Variants in GPC5 observed in about 807,000 individuals in gnomAD.
GPC5 encodes glypican 5.
A neutral mutation model predicts 53.9 loss-of-function variants in GPC5; 47 were observed. That is an observed-to-expected ratio of 0.87 (90% confidence interval 0.69 to 1.11). The LOEUF (loss-of-function observed/expected upper bound fraction) is 1.11. Ranked by LOEUF, GPC5 falls within the 50% of genes most tolerant of loss-of-function variation. GPC5 has a pLI of 0.00. For missense variants in GPC5, 748 were observed against 713.1 expected (o/e 1.05, Z -0.56); for synonymous variants, 286 against 263.3 (o/e 1.09, Z -0.84).
intron 4 of GPC5, 76 bp from the exon 5 acceptor site, chr13:91,756,219 T>C: frequency 9.1e-7 from 1 of 1,102,828 alleles, no homozygotes; most frequent in East Asian, 2.5e-5. Context: ...ACATTATGTA[T>C]AACAATACAT....
intron 7 of GPC5, among the ~76,000 whole-genome samples, chr13:92,830,026 A>C (rs1480032023): frequency 6.6e-6 from 1 of 152,096 alleles, no homozygotes; most frequent in African/African-American, 2.4e-5. Context: ...CATTAAGGTT[A>C]ATGTCAAAAA....
At chr13:91,970,458 T>G (rs577782143) in intron 6 of GPC5, among the ~76,000 whole-genome samples, 1 of 151,216 alleles carries the variant, frequency 6.6e-6, no homozygotes, top group Non-Finnish European at 1.5e-5. Flanking sequence ...CACACATACA[T>G]ACACACAAGC....
rs76163706 is a variant in GPC5, at chr13:91,789,834, T to A, written c.1280+33414T>A. On this transcript the variant is annotated intron_variant, in intron 5 of 7. Coordinates refer to ENST00000377067, the MANE Select transcript of GPC5 (RefSeq NM_004466.6). ...ATAGGCTGGGAAGTTTAAGCTTGGATAGCTGCATCTGGTAGCTTCTGGTAA... is the reference window on the plus strand; with the variant it reads ...ATAGGCTGGGAAGTTTAAGCTTGGAAAGCTGCATCTGGTAGCTTCTGGTAA... 6.7e-3 allele frequency among the ~76,000 whole-genome samples: 1,015 copies of A among 152,288 alleles called. 9 individuals carry two copies. Among genetic ancestry groups the A allele is most frequent in the African/African-American group, 0.023 (962 of 41,564 alleles).
intron 7 of GPC5, among the ~76,000 whole-genome samples, chr13:92,291,958 A>G (rs797004719): frequency 4.7e-4 from 72 of 152,284 alleles, no homozygotes; most frequent in African/African-American, 1.7e-3. Flanking sequence ...CAAACTCCGG[A>G]CACGCTGCCT....
intron 3 of GPC5, among the ~76,000 whole-genome samples, chr13:91,713,700 A>G (rs967153174): frequency 1.3e-5 from 2 of 152,130 alleles, no homozygotes; most frequent in African/African-American, 4.8e-5. Flanking sequence ...GAAATCCAGA[A>G]CTGAACTCAT....
chr13:91,947,718 T>C (rs1270817636), intron 6 of GPC5, among the ~76,000 whole-genome samples: 2 of 152,170 alleles, frequency 1.3e-5, no homozygotes, highest in Non-Finnish European at 2.9e-5. Flanking sequence ...TTTAGTAGAT[T>C]TCTGTCACTA....
At chr13:92,143,426 C>T (rs1594780477) in intron 6 of GPC5, among the ~76,000 whole-genome samples, 1 of 151,954 alleles carries the variant, frequency 6.6e-6, no homozygotes, top group East Asian at 1.9e-4. Flanking sequence ...TTCTTCATTG[C>T]TGTACTATCC....
In GPC5 at chr13:92,578,400, A is replaced by C. The variant is rs139015654; in HGVS notation, c.1562-287882A>C. Among the ~76,000 whole-genome samples the C allele has an allele frequency of 1.5e-4, 23 of 152,308 alleles. No individual in the cohort carries two copies. The East Asian group carries it at 4.4e-3, about 29-fold the overall frequency. ...AAATGTGATACAGATAGATTAGATA[A>C]ATTGGTATAAAGAAGGGAAAGAGAG... On this transcript the variant is annotated intron_variant, in intron 7 of 7. Coordinates refer to ENST00000377067, the MANE Select transcript of GPC5 (RefSeq NM_004466.6).
intron 2 of GPC5, among the ~76,000 whole-genome samples, chr13:91,452,347 T>A (rs1230013966): frequency 6.6e-6 from 1 of 152,130 alleles, no homozygotes; most frequent in Non-Finnish European, 1.5e-5. Context: ...CTAAGGGCAA[T>A]CATCCATGAA....
At chr13:92,603,956 C>T (rs2139085169) in intron 7 of GPC5, among the ~76,000 whole-genome samples, 1 of 152,264 alleles carries the variant, frequency 6.6e-6, no homozygotes, top group Non-Finnish European at 1.5e-5. Flanking sequence ...ACTGAGGAAA[C>T]ATAATCGCAT....
intron 7 of GPC5, among the ~76,000 whole-genome samples, chr13:92,726,463 G>C (rs905726656): frequency 6.6e-6 from 1 of 151,552 alleles, no homozygotes; most frequent in Non-Finnish European, 1.5e-5. Context: ...TGAAAACATA[G>C]TTCATTGAAA....
chr13:91,800,888 T>C (rs1354561095), intron 5 of GPC5, among the ~76,000 whole-genome samples: 1 of 152,162 alleles, frequency 6.6e-6, no homozygotes, highest in African/African-American at 2.4e-5. Flanking sequence ...AGTGTCTTTA[T>C]AAGATAAATG....
At chr13:92,205,624 C>T (rs971435512) in intron 7 of GPC5, among the ~76,000 whole-genome samples, 1 of 152,190 alleles carries the variant, frequency 6.6e-6, no homozygotes, top group African/African-American at 2.4e-5. Flanking sequence ...GCCTTTCTTA[C>T]AGCAAAACAT....
chr13:91,894,036 G>T (rs2039415723), intron 5 of GPC5, among the ~76,000 whole-genome samples: 1 of 151,598 alleles, frequency 6.6e-6, no homozygotes, highest in Non-Finnish European at 1.5e-5. Context: ...CTGAGATCAA[G>T]ATTTTGTCCT....
Position 92,818,452 on chromosome 13 carries a change from T to C in GPC5, c.1562-47830T>C, listed in dbSNP as rs76588594. Among the ~76,000 whole-genome samples, 98 of 152,162 alleles carry C rather than the reference T, an allele frequency of 6.4e-4. 1 individual carries two copies. The East Asian group carries it at 0.017, about 26-fold the overall frequency. ...AGGATAAGAAACAATGCTTTTCTTA[T>C]AGATATGTCCTTCTGCAGGGAAGGA... On this transcript the variant is annotated intron_variant, in intron 7 of 7. Transcript: ENST00000377067.
At chr13:92,563,043 C>T (rs1026768325) in intron 7 of GPC5, among the ~76,000 whole-genome samples, 11 of 151,966 alleles carry the variant, frequency 7.2e-5, no homozygotes, top group African/African-American at 2.4e-4. Context: ...CAAATTCCCC[C>T]ACTCCAGTTT....
chr13:91,546,549 G>C (rs2030299378), intron 2 of GPC5, among the ~76,000 whole-genome samples: 1 of 151,898 alleles, frequency 6.6e-6, no homozygotes, highest in South Asian at 2.1e-4. Flanking sequence ...CTCAATGTCA[G>C]TGTCTTTTTC....
intron 7 of GPC5, among the ~76,000 whole-genome samples, chr13:92,858,717 C>G (rs9589640): frequency 0.011 from 1,611 of 152,180 alleles, 24 homozygotes; most frequent in African/African-American, 0.037. Context: ...TGTTCACTGT[C>G]TGGGTGATGG....
chr13:92,497,617 T>A (rs1880024744), intron 7 of GPC5, among the ~76,000 whole-genome samples: 1 of 152,058 alleles, frequency 6.6e-6, no homozygotes, highest in Non-Finnish European at 1.5e-5. Context: ...AAATTTAAAG[T>A]TGTTTTTTTT....
Sources: gnomAD v4.1 joint callset for allele counts (sites outside exome capture counted in the v4.1 genomes callset) on GRCh38, gnomAD v4.1.1 for gene constraint, MANE v1.5 for transcripts, NCBI Gene and HGNC (gene_info 2026-07-23, HGNC 2026-07-21) for gene names.